RABGAP1L: variants seen among roughly 807,000 people sequenced by gnomAD.
The protein encoded by RABGAP1L is rab GTPase-activating protein 1-like.
A neutral mutation model predicts 137.7 loss-of-function variants in RABGAP1L; 63 were observed. That is an observed-to-expected ratio of 0.46 (90% CI 0.37 to 0.56). The LOEUF (loss-of-function observed/expected upper bound fraction) is 0.56, where lower values mean the gene tolerates loss of function less well. Among genes scored for constraint, RABGAP1L ranks in the 20% least tolerant of loss-of-function variants. The pLI is 0.00. For missense variants in RABGAP1L, 1,095 were observed against 1,244.0 expected (o/e 0.88, Z 1.80); for synonymous variants, 431 against 433.7 (o/e 0.99, Z 0.08).
intron 1 of RABGAP1L, among the ~76,000 whole-genome samples, chr1:174,195,046 A>G (rs1475336978): frequency 6.6e-6 from 1 of 151,638 alleles, no homozygotes; most frequent in African/African-American, 2.4e-5. Flanking sequence ...ATATATTTGG[A>G]TAATTATTTT....
chr1:174,436,122 G>C (rs1053646987), intron 13 of RABGAP1L, among the ~76,000 whole-genome samples: 1 of 152,124 alleles, frequency 6.6e-6, no homozygotes, highest in Non-Finnish European at 1.5e-5. Flanking sequence ...CCATACATGT[G>C]CATGTGTCTT....
chr1:174,857,586 T>A (rs1156500821), intron 19 of RABGAP1L, among the ~76,000 whole-genome samples: 2 of 152,174 alleles, frequency 1.3e-5, no homozygotes, highest in Non-Finnish European at 2.9e-5. Flanking sequence ...TTGGAATACA[T>A]AAGAATCTGA....
chr1:174,182,009 A>G (rs9970465), intron 1 of RABGAP1L, among the ~76,000 whole-genome samples: 5,748 of 152,298 alleles, frequency 0.038, 373 homozygotes, highest in African/African-American at 0.13. Flanking sequence ...AAGAAATCCT[A>G]TGGAGATTTG....
chr1:174,629,542 A>AT (rs1009091023), intron 13 of RABGAP1L, among the ~76,000 whole-genome samples: 15 of 150,750 alleles, frequency 1.0e-4, no homozygotes, highest in East Asian at 1.9e-4. Context: ...ATTTTAATTA[A>AT]TTTTTTTTTT....
intron 3 of RABGAP1L, among the ~76,000 whole-genome samples, chr1:174,226,887 T>A (rs1466117048): frequency 1.3e-5 from 2 of 152,160 alleles, no homozygotes; most frequent in Admixed American, 1.3e-4. Context: ...TAGACTAGGA[T>A]AAGTAAACTA....
chr1:174,743,476 A>G (rs61828065), intron 17 of RABGAP1L, among the ~76,000 whole-genome samples: 13,719 of 152,138 alleles, frequency 0.09, 841 homozygotes, highest in East Asian at 0.22. Context: ...TAAAACCTCT[A>G]ATTTGATTTC....
chr1:174,980,907 T>A (rs1049956778), intron 23 of RABGAP1L, among the ~76,000 whole-genome samples: 1 of 142,276 alleles, frequency 7.0e-6, no homozygotes, highest in Non-Finnish European at 1.6e-5. Context: ...ACAGTTTTTT[T>A]TGTTTTTTTT....
At chr1:174,662,167 A>G (rs998734330) in intron 14 of RABGAP1L, among the ~76,000 whole-genome samples, 49 of 134,628 alleles carry the variant, frequency 3.6e-4, no homozygotes, top group African/African-American at 1.3e-3. Flanking sequence ...GCAATGTCGC[A>G]GTCTCTGCTC....
intron 12 of RABGAP1L, among the ~76,000 whole-genome samples, chr1:174,378,523 T>C (rs189194497): frequency 0.034 from 5,246 of 152,130 alleles, 111 homozygotes; most frequent in Middle Eastern, 0.088. Context: ...GATTTGCATT[T>C]CTCTGATGGC....
chr1:174,481,204 A>G (rs953733416), intron 13 of RABGAP1L, among the ~76,000 whole-genome samples: 9 of 152,204 alleles, frequency 5.9e-5, no homozygotes, highest in African/African-American at 2.2e-4. Context: ...TGCTACCAGC[A>G]CTTGACTATG....
intron 20 of RABGAP1L, chr1:174,958,040 C>T (rs1490934916): frequency 1.3e-6 from 2 of 1,530,482 alleles, no homozygotes; most frequent in East Asian, 2.4e-5. Flanking sequence ...TTTAGCTGTG[C>T]ATGTCATATC....
rs1037044871 is a variant in RABGAP1L at position 174,573,004 on chromosome 1, G to T, written c.1711-64371G>T. ...GTGCACTCAGATCCAGGGATTAATC[G>T]ACTTTGCCAAAGTCATTTATCTAGT... On this transcript the variant is annotated intron_variant, in intron 13 of 25. Coordinates refer to ENST00000681986, the MANE Select transcript of RABGAP1L (RefSeq NM_001366446.1). Among the ~76,000 whole-genome samples the T allele has an allele frequency of 6.8e-3, 1,028 of 152,150 alleles. 13 individuals carry two copies. Among genetic ancestry groups the T allele is most frequent in the African/African-American group, 0.023 (967 of 41,528 alleles).
chr1:174,896,098 G>A (rs139059484), intron 19 of RABGAP1L, among the ~76,000 whole-genome samples: 3,139 of 152,264 alleles, frequency 0.021, 49 homozygotes, highest in Middle Eastern at 0.078. Context: ...ATCCTCTCTA[G>A]CACCTGTTGT....
intron 17 of RABGAP1L, among the ~76,000 whole-genome samples, chr1:174,718,228 C>T (rs1049749570): frequency 2.0e-5 from 3 of 152,092 alleles, no homozygotes; most frequent in Non-Finnish European, 4.4e-5. Context: ...CACCTAATTT[C>T]ACCTGGGAAA....
chr1:174,795,404 T>C (rs1320418347), intron 18 of RABGAP1L, among the ~76,000 whole-genome samples: 2 of 152,174 alleles, frequency 1.3e-5, no homozygotes, highest in African/African-American at 2.4e-5. Context: ...AAAGAGTCTA[T>C]ACAAACAAAC....
At chr1:174,621,944 C>A (rs1445222350) in intron 13 of RABGAP1L, among the ~76,000 whole-genome samples, 6 of 151,976 alleles carry the variant, frequency 3.9e-5, no homozygotes, top group African/African-American at 9.7e-5. Flanking sequence ...AAATTTTTGC[C>A]ATCTACTCAT....
At position 174,948,451 on chromosome 1, in the gene RABGAP1L, C is replaced by T. The variant is rs534028975; in HGVS notation, c.2341-9006C>T. On this transcript the variant is annotated intron_variant, in intron 19 of 25. Transcript: ENST00000681986. ...GGACTATCACTTGAGCCCAGGAGGT[C>T]GAGGCTACAGTGAGCGGCACTGCAC... is the stretch of plus-strand genomic sequence containing the variant. 9.6e-5 allele frequency among the ~76,000 whole-genome samples: 13 copies of T among 135,528 alleles called. No individual in the cohort carries two copies. The South Asian group carries it at 2.5e-3, about 26-fold the overall frequency. 88.9% of individuals were successfully genotyped at this position (135,528 alleles called of 152,430 possible). A position where few individuals can be genotyped will look rare whatever the true frequency, so the allele number is the denominator to read the frequency against.
intron 13 of RABGAP1L, among the ~76,000 whole-genome samples, chr1:174,415,008 A>C (rs1263784455): frequency 6.6e-6 from 1 of 151,974 alleles, no homozygotes; most frequent in African/African-American, 2.4e-5. Flanking sequence ...AAATTTCTTG[A>C]GCTTCTTCAA....
chr1:174,715,835 T>C (rs933206485), intron 17 of RABGAP1L, among the ~76,000 whole-genome samples: 1 of 152,244 alleles, frequency 6.6e-6, no homozygotes, highest in Non-Finnish European at 1.5e-5. Flanking sequence ...TCCTATGGTC[T>C]GGCAAGACTT....
Sources: allele counts gnomAD v4.1 joint callset (sites outside exome capture counted in the v4.1 genomes callset), GRCh38; gene constraint gnomAD v4.1.1; transcripts MANE v1.5; gene names NCBI Gene and HGNC (gene_info 2026-07-23, HGNC 2026-07-21).